Variants in KIDINS220 observed in about 807,000 individuals in gnomAD.
KIDINS220 encodes the protein kinase D interacting substrate 220.
A neutral mutation model predicts 157.6 loss-of-function variants in KIDINS220; 63 were observed. The ratio of observed to expected loss-of-function variants is 0.40; its 90% CI spans 0.33 to 0.49. The LOEUF is 0.49. Among genes scored for constraint, KIDINS220 ranks in the 20% least tolerant of loss-of-function variants. The pLI is 0.66. For synonymous variants in KIDINS220, 732 were observed against 783.6 expected, an observed-to-expected ratio of 0.93 and a Z score of 1.10; for missense variants, 1,772 against 2,171.2, an observed-to-expected ratio of 0.82 and a Z score of 3.65.
chr2:8,746,456 AT>A (rs1666584517), intron 26 of KIDINS220: 1 of 141,866 alleles, frequency 7.0e-6, no homozygotes, highest in Non-Finnish European at 1.6e-5. Context: ...TTTTCTGTTT[AT>A]TTTTTGTTTT....
At position 8,798,311 on chromosome 2, in the gene KIDINS220, A is replaced by T. The variant is rs780424279; in HGVS notation, c.901-11T>A. On this transcript the variant is annotated splice_polypyrimidine_tract_variant and intron_variant, in intron 9 of 29. Transcript: ENST00000256707. ...AGCAGTTTTATTATCCTAGATAATT[A>T]AAAAAAACACAATCACTTCATGTAA... 6.4e-6 allele frequency: 9 copies of T among 1,402,048 alleles called. No individual in the cohort carries two copies. Among genetic ancestry groups the T allele is most frequent in the South Asian group, 2.3e-5 (2 of 85,726 alleles). 86.9% of individuals were successfully genotyped at this position (1,402,048 alleles called of 1,614,324 possible). A position where few individuals can be genotyped will look rare whatever the true frequency, so the allele number is the denominator to read the frequency against.
chr2:8,826,231 A>T (rs72786366), intron 2 of KIDINS220, among the ~76,000 whole-genome samples: 1,561 of 152,316 alleles, frequency 0.01, 10 homozygotes, highest in South Asian at 0.017. Context: ...AACCTATTTA[A>T]CTCTCTAATA....
intron 1 of KIDINS220, among the ~76,000 whole-genome samples, chr2:8,836,066 A>G (rs1680341631): frequency 6.6e-6 from 1 of 152,190 alleles, no homozygotes. Context: ...CTGACATTTG[A>G]ACTTTCTGAA....
intron 10 of KIDINS220, among the ~76,000 whole-genome samples, chr2:8,797,723 G>A (rs761554397): frequency 6.6e-6 from 1 of 152,184 alleles, no homozygotes; most frequent in Non-Finnish European, 1.5e-5. Context: ...GGAGACCACA[G>A]TATTAGATAA....
chr2:8,828,845 G>C (rs1679205051), intron 1 of KIDINS220, among the ~76,000 whole-genome samples: 1 of 152,302 alleles, frequency 6.6e-6, no homozygotes, highest in East Asian at 1.9e-4. Context: ...CTAACTCTAA[G>C]TTGGAGCAGA....
chr2:8,757,496 C>A, intron 22 of KIDINS220: 1 of 1,404,350 alleles, frequency 7.1e-7, no homozygotes, highest in South Asian at 1.5e-5. Flanking sequence ...TTCAGAGGAG[C>A]AGAAGTGACT....
chr2:8,765,934 T>C (rs150589468), intron 22 of KIDINS220, among the ~76,000 whole-genome samples: 141 of 152,262 alleles, frequency 9.3e-4, no homozygotes, highest in African/African-American at 3.2e-3. Context: ...TTTACCTTAA[T>C]TTTTCCACCC....
At chr2:8,749,412 C>T (rs766387764) in intron 24 of KIDINS220, 7 of 456,236 alleles carry the variant, frequency 1.5e-5, no homozygotes, top group South Asian at 1.1e-4. Context: ...CAGGTTCATG[C>T]TCCATTTTCC....
chr2:8,813,831 G>A (rs1676673831), intron 4 of KIDINS220, among the ~76,000 whole-genome samples: 2 of 152,128 alleles, frequency 1.3e-5, no homozygotes, highest in African/African-American at 4.8e-5. Flanking sequence ...GGCTGAGGCA[G>A]GAGAACCACT....
chr2:8,768,825 T>C (rs536326696), intron 22 of KIDINS220, among the ~76,000 whole-genome samples: 34 of 150,428 alleles, frequency 2.3e-4, no homozygotes, highest in Non-Finnish European at 4.1e-4. Flanking sequence ...AATATGTTAA[T>C]CAAAGTGTCT....
intron 22 of KIDINS220, among the ~76,000 whole-genome samples, chr2:8,762,964 T>C (rs1289895926): frequency 1.3e-5 from 2 of 152,132 alleles, no homozygotes; most frequent in Non-Finnish European, 2.9e-5. Flanking sequence ...TATTTGAGAT[T>C]TTATATGTTG....
downstream of KIDINS220, chr2:8,721,689 T>C (rs1389546507): frequency 2.6e-5 from 4 of 152,222 alleles, no homozygotes; most frequent in East Asian, 1.9e-4. Context: ...GTAAGGAGCA[T>C]TGACGGTAAG....
chr2:8,787,552 A>G (rs1422338042), intron 15 of KIDINS220, among the ~76,000 whole-genome samples: 4 of 151,970 alleles, frequency 2.6e-5, no homozygotes, highest in Middle Eastern at 3.4e-3. Context: ...TATTTTTTGT[A>G]GAGATGGGGT....
At chr2:8,817,504 A>G in intron 4 of KIDINS220, 114 bp downstream of exon 4, 3 of 609,862 alleles carry the variant, frequency 4.9e-6, no homozygotes, top group Non-Finnish European at 7.7e-6. Context: ...CCAATCCCAA[A>G]TTCTAAAAAC....
rs1417008780 is a variant in KIDINS220 at position 8,729,321 on chromosome 2, C to G, written c.*1399G>C. On this transcript the variant is annotated 3_prime_UTR_variant, in exon 30 of 30. Coordinates refer to ENST00000256707, the MANE Select transcript of KIDINS220 (RefSeq NM_020738.4). ...CTTAATCAGCATATTAATAAAAACC[C>G]ACTGAGTGATAAACATCGAAAATGT... 1.0e-6 allele frequency: 1 copy of G among 985,320 alleles called. No homozygotes were observed. The highest frequency in any genetic ancestry group is 1.2e-6 in the Non-Finnish European group (1 of 829,928). The allele number at this position is 985,320 out of a possible 1,614,324, so 61.0% of individuals were successfully genotyped here. A position where few individuals can be genotyped will look rare whatever the true frequency, so the allele number is the denominator to read the frequency against.
intron 29 of KIDINS220, 60 bp from the exon 30 acceptor site, chr2:8,732,042 A>G: frequency 2.1e-6 from 3 of 1,436,264 alleles, no homozygotes; most frequent in Non-Finnish European, 2.8e-6. Context: ...AGGCATAAAC[A>G]TCAGCTTAGG....
chr2:8,836,352 T>A (rs1375295640), intron 1 of KIDINS220, among the ~76,000 whole-genome samples: 2 of 152,162 alleles, frequency 1.3e-5, no homozygotes, highest in Non-Finnish European at 2.9e-5. Flanking sequence ...ACCCACCCAA[T>A]ACTTGGAAAA....
chr2:8,758,131 G>A (rs1668275624), intron 22 of KIDINS220, among the ~76,000 whole-genome samples: 1 of 152,202 alleles, frequency 6.6e-6, no homozygotes, highest in African/African-American at 2.4e-5. Flanking sequence ...CTAAAGTACT[G>A]GGATTACAGG....
chr2:8,754,964 A>G (rs562982216), intron 22 of KIDINS220, among the ~76,000 whole-genome samples: 3 of 152,348 alleles, frequency 2.0e-5, no homozygotes, highest in African/African-American at 7.2e-5. Flanking sequence ...AAACAAATTT[A>G]ACTTCTAATA....
Sources: gnomAD v4.1 joint callset for allele counts (sites outside exome capture counted in the v4.1 genomes callset) on GRCh38, gnomAD v4.1.1 for gene constraint, MANE v1.5 for transcripts, NCBI Gene and HGNC (gene_info 2026-07-23, HGNC 2026-07-21) for gene names.